TLE1: variants seen among roughly 807,000 people sequenced by gnomAD.
The protein encoded by TLE1 is transducin-like enhancer protein 1.
In TLE1, 21 loss-of-function variants were observed where a neutral mutation model predicts 89.8. That is an observed-to-expected ratio of 0.23 (90% confidence interval 0.17 to 0.34). The LOEUF (loss-of-function observed/expected upper bound fraction) is 0.34. TLE1 is among the 10% of genes least tolerant of loss of function. The pLI, the probability that TLE1 is intolerant of heterozygous loss-of-function variation, is 1.00. For missense variants in TLE1, 795 were observed against 1,031.2 expected (o/e 0.77, Z 3.14); for synonymous variants, 447 against 407.6 (o/e 1.10, Z -1.16).
chr9:81,672,298 G>T (rs1194053367), intron 4 of TLE1, among the ~76,000 whole-genome samples: 5 of 151,756 alleles, frequency 3.3e-5, no homozygotes, highest in Admixed American at 3.3e-4. Context: ...AATCCCAATG[G>T]CTCTGCCTTT....
intron 8 of TLE1, among the ~76,000 whole-genome samples, chr9:81,629,121 C>A (rs1325054438): frequency 6.6e-6 from 1 of 152,108 alleles, no homozygotes; most frequent in Non-Finnish European, 1.5e-5. Context: ...TACGCAGCAC[C>A]TCAAACAGTA....
intron 8 of TLE1, among the ~76,000 whole-genome samples, chr9:81,627,189 C>T (rs1826009928): frequency 6.6e-6 from 1 of 151,936 alleles, no homozygotes. Flanking sequence ...CCACCTATGT[C>T]CCAGTGAGGA....
At chr9:81,622,130 C>T (rs369058379) in intron 8 of TLE1, among the ~76,000 whole-genome samples, 12 of 152,214 alleles carry the variant, frequency 7.9e-5, no homozygotes, top group African/African-American at 2.4e-4. Flanking sequence ...AGTGCTAACA[C>T]GCCCTCTGAA....
rs1215460935 is a variant in TLE1, at chr9:81,628,662, T to G, written c.594+4686A>C. On this transcript the variant is annotated intron_variant, in intron 8 of 19. Coordinates refer to ENST00000376499, the MANE Select transcript of TLE1 (RefSeq NM_005077.5). ...TAAAACAAGGTGATGTTTGTCATAA[T>G]TATCTCTAGGCAAGTTCTAAATACA... 2.6e-5 allele frequency among the ~76,000 whole-genome samples: 4 copies of G among 152,192 alleles called. No homozygotes were observed. The East Asian group carries it at 5.8e-4, about 22-fold the overall frequency.
chr9:81,584,965 C>CCCAT (rs58907018), intron 18 of TLE1, among the ~76,000 whole-genome samples: 62,176 of 149,272 alleles, frequency 0.42, 13,805 homozygotes, highest in Non-Finnish European at 0.5. Flanking sequence ...CACTCATCCA[C>CCCAT]CCATCCATCC....
In TLE1 at chr9:81,689,028, C is replaced by G. The variant is rs1472447417; in HGVS notation, c.-788G>C. ...GGCTACTCCACCGAGAGCAGTCCCG[C>G]AAGTGCCCAATGCTCCTCGAGCCCG... On this transcript the variant is annotated 5_prime_UTR_variant, in exon 1 of 20. Coordinates refer to ENST00000376499, the MANE Select transcript of TLE1 (RefSeq NM_005077.5). The G allele has an allele frequency of 6.6e-6, 1 of 152,224 alleles. No homozygotes were observed. The highest frequency in any genetic ancestry group is 1.5e-5 in the Non-Finnish European group (1 of 68,076). 9.4% of individuals were successfully genotyped at this position (152,224 alleles called of 1,614,324 possible).
At chr9:81,651,798 A>G (rs1393221742) in intron 6 of TLE1, among the ~76,000 whole-genome samples, 2 of 152,056 alleles carry the variant, frequency 1.3e-5, no homozygotes, top group African/African-American at 4.8e-5. Flanking sequence ...GTGTCACAGG[A>G]TGAACTACAT....
chr9:81,616,521 T>C, intron 10 of TLE1, 125 bp downstream of exon 10: 1 of 885,730 alleles, frequency 1.1e-6, no homozygotes, highest in African/African-American at 1.7e-5. Flanking sequence ...ATTAACTTCT[T>C]AATGTAAGAA....
intron 8 of TLE1, among the ~76,000 whole-genome samples, chr9:81,628,653 T>C (rs1444569645): frequency 6.6e-6 from 1 of 152,202 alleles, no homozygotes; most frequent in African/African-American, 2.4e-5. Context: ...AAGGTGATGT[T>C]TGTCATAATT....
intron 6 of TLE1, among the ~76,000 whole-genome samples, chr9:81,634,625 A>G (rs1827144944): frequency 6.6e-6 from 1 of 152,128 alleles, no homozygotes; most frequent in Admixed American, 6.5e-5. Flanking sequence ...TTATTAAGCA[A>G]GGCTGGCTAC....
intron 16 of TLE1, among the ~76,000 whole-genome samples, chr9:81,589,590 A>G (rs1587858627): frequency 6.6e-6 from 1 of 152,132 alleles, no homozygotes; most frequent in Admixed American, 6.5e-5. Context: ...ACTTGGCTCC[A>G]CCACATCTGA....
rs541067990 is a variant in TLE1, at chr9:81,687,120, G to A, written c.125+214C>T. ...GGACTCCCTGGAACAGTGCAAACCG[G>A]CAAAAGGGAAACAATGGGAGGAGGA... On this transcript the variant is annotated intron_variant, in intron 2 of 19. Coordinates refer to ENST00000376499, the MANE Select transcript of TLE1 (RefSeq NM_005077.5). 5.2e-4 allele frequency among the ~76,000 whole-genome samples: 79 copies of A among 152,332 alleles called. 2 individuals carry two copies. Among genetic ancestry groups the A allele is most frequent in the Admixed American group, 4.6e-4 (7 of 15,306 alleles).
At chr9:81,641,923 G>A (rs1181351035) in intron 6 of TLE1, among the ~76,000 whole-genome samples, 3 of 152,178 alleles carry the variant, frequency 2.0e-5, no homozygotes, top group African/African-American at 7.2e-5. Context: ...TCAGGAGGTT[G>A]AGGCAGGAGA....
At chr9:81,686,610 C>T (rs1834313337) in intron 2 of TLE1, among the ~76,000 whole-genome samples, 3 of 152,182 alleles carry the variant, frequency 2.0e-5, no homozygotes, top group Admixed American at 2.0e-4. Context: ...ACAGTTATTT[C>T]TGAGTTAGAA....
intron 8 of TLE1, 63 bp downstream of exon 8, chr9:81,633,285 G>C: frequency 6.3e-7 from 1 of 1,590,754 alleles, no homozygotes; most frequent in Non-Finnish European, 8.5e-7. Flanking sequence ...GTCAGAAGGG[G>C]ACCGTGTGTG....
intron 5 of TLE1, among the ~76,000 whole-genome samples, chr9:81,652,553 A>G (rs924228792): frequency 6.6e-6 from 1 of 152,238 alleles, no homozygotes; most frequent in Non-Finnish European, 1.5e-5. Context: ...AAAAAAGGAC[A>G]TAAAGAATGA....
intron 8 of TLE1, among the ~76,000 whole-genome samples, chr9:81,632,474 C>T (rs370781251): frequency 1.4e-5 from 1 of 73,392 alleles, no homozygotes; most frequent in South Asian, 4.7e-4. Flanking sequence ...GTTCAGTATC[C>T]CTTTTTTTTT....
At chr9:81,679,234 T>C (rs1159724889) in intron 4 of TLE1, among the ~76,000 whole-genome samples, 3 of 152,220 alleles carry the variant, frequency 2.0e-5, no homozygotes, top group East Asian at 1.9e-4. Context: ...CAACACTTCC[T>C]GGATTTTCAT....
intron 4 of TLE1, among the ~76,000 whole-genome samples, chr9:81,660,572 C>T (rs899487474): frequency 6.0e-5 from 9 of 150,784 alleles, no homozygotes; most frequent in African/African-American, 1.7e-4. Flanking sequence ...TGCTACCACA[C>T]CCGGCTAATT....
Sources: gnomAD v4.1 joint callset for allele counts (sites outside exome capture counted in the v4.1 genomes callset) on GRCh38, gnomAD v4.1.1 for gene constraint, MANE v1.5 for transcripts, NCBI Gene and HGNC (gene_info 2026-07-23, HGNC 2026-07-21) for gene names.